RPS6KC1: variants seen among roughly 807,000 people sequenced by gnomAD.
The protein encoded by RPS6KC1 is ribosomal protein S6 kinase C1.
Under a neutral mutation model 103.8 loss-of-function variants are expected in RPS6KC1, and 54 were observed. That is an observed-to-expected ratio of 0.52 (90% confidence interval 0.42 to 0.65). RPS6KC1 has a LOEUF of 0.65. Ranked by LOEUF, RPS6KC1 falls within the 30% of genes least tolerant of loss-of-function variation. The pLI, the probability that RPS6KC1 is intolerant of heterozygous loss-of-function variation, is 0.00. For missense variants in RPS6KC1, 1,151 were observed against 1,253.8 expected (o/e 0.92, Z 1.24); for synonymous variants, 439 against 438.7 (o/e 1.00, Z -0.01).
chr1:213,797,253 A>C, the RPS6KC1 span, among the ~76,000 whole-genome samples: 4 of 152,260 alleles, frequency 2.6e-5, no homozygotes, highest in Non-Finnish European at 5.9e-5. Context: ...AATTTGAAGT[A>C]AACTGTTTCA....
chr1:213,256,812 C>T (rs554090671), intron 12 of RPS6KC1, among the ~76,000 whole-genome samples: 1 of 152,262 alleles, frequency 6.6e-6, no homozygotes, highest in Admixed American at 6.5e-5. Context: ...AAGCCTACTT[C>T]TTAGACTCTG....
the RPS6KC1 span, among the ~76,000 whole-genome samples, chr1:213,403,312 A>T: frequency 2.0e-5 from 3 of 152,042 alleles, no homozygotes; most frequent in East Asian, 5.8e-4. Flanking sequence ...GAGGGAAGAA[A>T]GTGGGTGAGA....
the RPS6KC1 span, among the ~76,000 whole-genome samples, chr1:213,650,991 T>G: frequency 0.049 from 2,725 of 56,132 alleles, no homozygotes; most frequent in African/African-American, 0.057. Flanking sequence ...GGGGGTGGGG[T>G]GGAGGTGGGG....
chr1:213,253,899 T>C lies in RPS6KC1; in HGVS notation c.2912-7659T>C, dbSNP rs55716212. On this transcript the variant is annotated intron_variant, in intron 12 of 14. Coordinates refer to ENST00000366960, the MANE Select transcript of RPS6KC1 (RefSeq NM_012424.6). ...TATAGTTGCAGTTCTGGATTTAGGG[T>C]AAACATTATTATTTTGGCTGTAAGA... Among the ~76,000 whole-genome samples, 435 of 152,276 alleles carry C rather than the reference T, an allele frequency of 2.9e-3. 3 individuals are homozygous for C. The highest frequency in any genetic ancestry group is 9.6e-3 in the African/African-American group (401 of 41,558).
At chr1:213,769,997 C>G in the RPS6KC1 span, among the ~76,000 whole-genome samples, 5 of 152,058 alleles carry the variant, frequency 3.3e-5, no homozygotes, top group African/African-American at 1.2e-4. Context: ...TCTCGAGGTC[C>G]AACACTGGGG....
At chr1:213,536,594 C>A in the RPS6KC1 span, among the ~76,000 whole-genome samples, 4 of 152,250 alleles carry the variant, frequency 2.6e-5, no homozygotes, top group East Asian at 1.9e-4. Context: ...GTGGGGCAAC[C>A]TCATCCTACC....
At chr1:213,573,224 C>T in the RPS6KC1 span, among the ~76,000 whole-genome samples, 1 of 152,184 alleles carries the variant, frequency 6.6e-6, no homozygotes, top group African/African-American at 2.4e-5. Context: ...AAACATCTGC[C>T]TCCTGGAAAC....
At chr1:213,110,354 T>G (rs1338081547) in intron 4 of RPS6KC1, among the ~76,000 whole-genome samples, 1 of 152,192 alleles carries the variant, frequency 6.6e-6, no homozygotes, top group Admixed American at 6.5e-5. Flanking sequence ...GTTTTTTTTC[T>G]TCCTGAGGAT....
the RPS6KC1 span, among the ~76,000 whole-genome samples, chr1:213,610,989 A>C: frequency 6.6e-6 from 1 of 152,180 alleles, no homozygotes; most frequent in Non-Finnish European, 1.5e-5. Context: ...GGGGGGTTGC[A>C]TATATGGGGT....
At chr1:213,230,444 A>T (rs2094066320) in intron 8 of RPS6KC1, 53 bp from the exon 9 acceptor site, 5 of 1,315,738 alleles carry the variant, frequency 3.8e-6, no homozygotes, top group Non-Finnish European at 5.4e-6. Flanking sequence ...TAAAGCTAAG[A>T]GTTAATGTTT....
intron 6 of RPS6KC1, among the ~76,000 whole-genome samples, chr1:213,145,002 G>A (rs2087568913): frequency 6.6e-6 from 1 of 152,106 alleles, no homozygotes; most frequent in East Asian, 1.9e-4. Context: ...TTGAACCTGG[G>A]AGGCAGAGGT....
chr1:213,132,531 C>T (rs929894537), intron 6 of RPS6KC1, among the ~76,000 whole-genome samples: 5 of 152,194 alleles, frequency 3.3e-5, no homozygotes, highest in African/African-American at 1.2e-4. Flanking sequence ...CTAGTCACCA[C>T]CTAACAGACA....
chr1:213,677,822 A>T, the RPS6KC1 span, among the ~76,000 whole-genome samples: 44,656 of 151,926 alleles, frequency 0.29, 7,042 homozygotes, highest in East Asian at 0.53. Flanking sequence ...CCTGGCCAAG[A>T]TGGTGGAACC....
intron 9 of RPS6KC1, 27 bp from the exon 10 acceptor site, chr1:213,232,072 GCAACTGAGGATGCAACTGAGGATA>G (rs2094116498): frequency 1.3e-5 from 2 of 158,602 alleles, no homozygotes; most frequent in Non-Finnish European, 1.8e-5. Flanking sequence ...GGCTCCAAAG[GCAACTGAGGATGCAACTGAGGATA>G]CAACTGACCT....
At chr1:213,496,447 G>A in the RPS6KC1 span, among the ~76,000 whole-genome samples, 8 of 152,096 alleles carry the variant, frequency 5.3e-5, no homozygotes, top group Non-Finnish European at 1.2e-4. Context: ...GAAAGGCAGA[G>A]ATCAGAAAGC....
At chr1:213,376,012 A>T in the RPS6KC1 span, among the ~76,000 whole-genome samples, 1 of 151,950 alleles carries the variant, frequency 6.6e-6, no homozygotes, top group Non-Finnish European at 1.5e-5. Context: ...CTTGGGTCAG[A>T]TGTCCACCCT....
the RPS6KC1 span, among the ~76,000 whole-genome samples, chr1:213,707,030 G>A: frequency 6.6e-6 from 1 of 152,118 alleles, no homozygotes; most frequent in Non-Finnish European, 1.5e-5. Flanking sequence ...TGTCTTTATA[G>A]TACAGTGATT....
chr1:213,256,810 T>G (rs535505923), intron 12 of RPS6KC1, among the ~76,000 whole-genome samples: 1 of 152,300 alleles, frequency 6.6e-6, no homozygotes, highest in Non-Finnish European at 1.5e-5. Context: ...TAAAGCCTAC[T>G]TCTTAGACTC....
At chr1:213,370,370 G>A in the RPS6KC1 span, among the ~76,000 whole-genome samples, 1 of 151,940 alleles carries the variant, frequency 6.6e-6, no homozygotes, top group South Asian at 2.1e-4. Context: ...CTGGTGGAAT[G>A]TCTGGCACAT....
Sources: gnomAD v4.1 joint callset for allele counts (sites outside exome capture counted in the v4.1 genomes callset) on GRCh38, gnomAD v4.1.1 for gene constraint, MANE v1.5 for transcripts, NCBI Gene and HGNC (gene_info 2026-07-23, HGNC 2026-07-21) for gene names.